GSK3B: variants seen among roughly 807,000 people sequenced by gnomAD.
The protein encoded by GSK3B is glycogen synthase kinase 3 beta.
A neutral mutation model predicts 56.4 loss-of-function variants in GSK3B; 15 were observed. The ratio of observed to expected loss-of-function variants is 0.27; its 90% CI spans 0.18 to 0.41. GSK3B has a LOEUF of 0.41. GSK3B is among the 10% of genes least tolerant of loss of function. GSK3B has a pLI of 1.00. For missense variants in GSK3B, 300 were observed against 513.4 expected (o/e 0.58, Z 4.02); for synonymous variants, 181 against 188.9 (o/e 0.96, Z 0.34).
chr3:119,830,930 C>A (rs1265474364), intron 10 of GSK3B, among the ~76,000 whole-genome samples: 1 of 152,100 alleles, frequency 6.6e-6, no homozygotes, highest in Non-Finnish European at 1.5e-5. Flanking sequence ...AAAGAGACAT[C>A]TAAAAATACA....
chr3:119,850,812 G>T (rs1389252120), intron 9 of GSK3B, among the ~76,000 whole-genome samples: 1 of 152,128 alleles, frequency 6.6e-6, no homozygotes. Context: ...AAATTGAAAT[G>T]TAAGGTAATA....
chr3:119,869,244 A>AAAAAAAAAC (rs1559816083), intron 8 of GSK3B, among the ~76,000 whole-genome samples: 1 of 151,146 alleles, frequency 6.6e-6, no homozygotes, highest in Non-Finnish European at 1.5e-5. Flanking sequence ...AAAAAAAAAA[A>AAAAAAAAAC]AACATATATT....
At chr3:119,966,491 T>C (rs9875981) in intron 2 of GSK3B, among the ~76,000 whole-genome samples, 5,246 of 152,228 alleles carry the variant, frequency 0.034, 331 homozygotes, top group African/African-American at 0.12. Flanking sequence ...GGGCTCTCTA[T>C]TCAGTAACTT....
At chr3:119,987,854 T>G (rs542992497) in intron 2 of GSK3B, among the ~76,000 whole-genome samples, 2 of 152,342 alleles carry the variant, frequency 1.3e-5, no homozygotes, top group African/African-American at 4.8e-5. Flanking sequence ...GGTCTATATT[T>G]GTATGTTACT....
chr3:120,061,283 G>C (rs559946074), intron 1 of GSK3B, among the ~76,000 whole-genome samples: 2 of 152,110 alleles, frequency 1.3e-5, no homozygotes, highest in Non-Finnish European at 2.9e-5. Context: ...GTTTACTGTA[G>C]AAAAATTCGA....
At chr3:119,977,397 C>G in intron 2 of GSK3B, among the ~76,000 whole-genome samples, 1 of 152,182 alleles carries the variant, frequency 6.6e-6, no homozygotes. Context: ...TGACTGAGAA[C>G]AGCAGGCATA....
chr3:120,015,209 T>C (rs1211653718), intron 1 of GSK3B, among the ~76,000 whole-genome samples: 1 of 152,200 alleles, frequency 6.6e-6, no homozygotes, highest in African/African-American at 2.4e-5. Flanking sequence ...TCTTTGAACT[T>C]CAAATTATTA....
chr3:119,938,229 T>C (rs2107482104), intron 3 of GSK3B, among the ~76,000 whole-genome samples: 1 of 152,144 alleles, frequency 6.6e-6, no homozygotes, highest in South Asian at 2.1e-4. Flanking sequence ...TTTCTAAGAC[T>C]CTTCTAAAAA....
intron 1 of GSK3B, among the ~76,000 whole-genome samples, chr3:120,079,366 A>C (rs1356861500): frequency 5.3e-5 from 8 of 150,838 alleles, no homozygotes; most frequent in African/African-American, 2.0e-4. Flanking sequence ...TTTTTTAATA[A>C]GTAGACTACT....
At chr3:120,076,573 T>A (rs984328337) in intron 1 of GSK3B, among the ~76,000 whole-genome samples, 1 of 151,980 alleles carries the variant, frequency 6.6e-6, no homozygotes, top group Non-Finnish European at 1.5e-5. Context: ...CCCAGCACTT[T>A]GGGAGGCCGA....
At chr3:119,916,970 A>C (rs898276662) in intron 4 of GSK3B, among the ~76,000 whole-genome samples, 1 of 152,154 alleles carries the variant, frequency 6.6e-6, no homozygotes, top group Non-Finnish European at 1.5e-5. Flanking sequence ...AACTTCATGG[A>C]CGAAGAGAGT....
intron 2 of GSK3B, among the ~76,000 whole-genome samples, chr3:119,967,085 C>CTT (rs34345294): frequency 4.8e-5 from 7 of 145,276 alleles, no homozygotes; most frequent in African/African-American, 1.8e-4. Flanking sequence ...TTACAGCTAC[C>CTT]TTTTTTTTTT....
intron 9 of GSK3B, among the ~76,000 whole-genome samples, chr3:119,855,968 A>C (rs567091202): frequency 6.6e-6 from 1 of 152,234 alleles, no homozygotes; most frequent in East Asian, 1.9e-4. Flanking sequence ...CCTAGAACTT[A>C]AAGTATAATA....
chr3:119,957,312 C>A (rs1413510862), intron 2 of GSK3B, among the ~76,000 whole-genome samples: 1 of 152,166 alleles, frequency 6.6e-6, no homozygotes, highest in African/African-American at 2.4e-5. Context: ...AAAAAGGACT[C>A]ATGTATGCTA....
chr3:119,905,218 T>G (rs2056670479), intron 7 of GSK3B, among the ~76,000 whole-genome samples: 1 of 151,828 alleles, frequency 6.6e-6, no homozygotes, highest in East Asian at 1.9e-4. Flanking sequence ...TAAAATTATA[T>G]TAAATTCATA....
intron 3 of GSK3B, among the ~76,000 whole-genome samples, chr3:119,930,936 T>C (rs1227349288): frequency 6.6e-6 from 1 of 152,246 alleles, no homozygotes; most frequent in Non-Finnish European, 1.5e-5. Flanking sequence ...TGAAAGCATG[T>C]CTGCTATAGG....
chr3:120,076,813 C>CAAAAA (rs202058386), intron 1 of GSK3B, among the ~76,000 whole-genome samples: 2,389 of 45,566 alleles, frequency 0.052, 157 homozygotes, highest in South Asian at 0.083. Flanking sequence ...AACTCCGTCT[C>CAAAAA]AAAAAAAAAA....
At chr3:119,904,066 G>C (rs1008268772) in intron 7 of GSK3B, among the ~76,000 whole-genome samples, 1 of 152,054 alleles carries the variant, frequency 6.6e-6, no homozygotes, top group Non-Finnish European at 1.5e-5. Flanking sequence ...CTTCTGGTTA[G>C]TAGAGCTGTA....
chr3:119,833,656 T>C (rs2055638828), intron 10 of GSK3B, among the ~76,000 whole-genome samples: 1 of 151,472 alleles, frequency 6.6e-6, no homozygotes, highest in South Asian at 2.1e-4. Context: ...GTGTTTTACA[T>C]GCACTTTATA....
Sources: gnomAD v4.1 joint callset for allele counts (sites outside exome capture counted in the v4.1 genomes callset) on GRCh38, gnomAD v4.1.1 for gene constraint, MANE v1.5 for transcripts, NCBI Gene and HGNC (gene_info 2026-07-23, HGNC 2026-07-21) for gene names.